The following EIF1AX variants were observed in gnomAD, a reference collection of about 807,000 sequenced individuals.
The protein encoded by EIF1AX is eukaryotic translation initiation factor 1A, X-chromosomal.
In EIF1AX, 1 loss-of-function variant was observed where a neutral mutation model predicts 16.1. That is an observed-to-expected ratio of 0.06 (90% CI 0.02 to 0.30). EIF1AX has a LOEUF of 0.30. EIF1AX is among the 10% of genes least tolerant of loss of function. The probability of loss-of-function intolerance (pLI) is 1.00; values close to 1 mark genes in which losing one functional copy is unlikely to be tolerated. For synonymous variants in EIF1AX, 32 were observed against 37.3 expected (o/e 0.86, Z 0.51); for missense variants, 11 against 109.1 (o/e 0.10, Z 4.00).
At chrX:20,136,728 C>T (rs1314146696) in intron 2 of EIF1AX, among the ~76,000 whole-genome samples, 2 of 111,668 alleles carry the variant, frequency 1.8e-5, no homozygotes, top group Admixed American at 9.5e-5. Context: ...GTGAGTTTAG[C>T]ACCCATCTAC....
Position 20,134,026 on chromosome X carries a change from T to C in EIF1AX, c.205-19A>G. 4.2e-6 allele frequency: 5 copies of C among 1,182,794 alleles called. No individual in the cohort carries two copies. Among genetic ancestry groups the C allele is most frequent in the Non-Finnish European group, 5.7e-6 (5 of 875,881 alleles). On this transcript the variant is annotated intron_variant, in intron 3 of 6. Coordinates refer to ENST00000379607, the MANE Select transcript of EIF1AX (RefSeq NM_001412.4). The stretch of plus-strand genomic sequence containing the variant: ...TCCAAACCTACAAAAGAAAAGTCAC[T>C]GCCCGTCACATTTAAAATAACGAAG...
At chrX:20,130,493 A>G in intron 6 of EIF1AX, 23 bp downstream of exon 6, 7 of 1,162,851 alleles carry the variant, frequency 6.0e-6, no homozygotes, top group Non-Finnish European at 8.0e-6. Flanking sequence ...AAAAATTGGA[A>G]AACACAAGGT....
chrX:20,135,196 C>T (rs2067012847), intron 3 of EIF1AX, among the ~76,000 whole-genome samples: 1 of 108,688 alleles, frequency 9.2e-6, no homozygotes, highest in Admixed American at 9.9e-5. Context: ...CCTATAATCC[C>T]AGCATTTTGG....
At chrX:20,136,342 GA>G (rs1272322127) in intron 2 of EIF1AX, 1 of 350,150 alleles carries the variant, frequency 2.9e-6, no homozygotes. Context: ...AGGTAGACCG[GA>G]AAGCCTTCTG....
rs935521203 is a variant in EIF1AX at position 20,125,349 on chromosome X, T to C, written c.*2957A>G. ...TTTTCACATTTTGCTCTTTTCTGAA[T>C]AGGAAGAAAAAAAGCAAAGATAAAA... On this transcript the variant is annotated 3_prime_UTR_variant, in exon 7 of 7. Transcript: ENST00000379607. 25 of 170,124 alleles carry C rather than the reference T, an allele frequency of 1.5e-4. No homozygotes were observed. Among genetic ancestry groups the C allele is most frequent in the African/African-American group, 6.5e-4 (22 of 33,767 alleles). The allele number at this position is 170,124 out of a possible 1,213,427, so 14.0% of individuals were successfully genotyped here.
intron 3 of EIF1AX, 122 bp from the exon 4 acceptor site, chrX:20,134,129 G>A (rs2067008614): frequency 8.0e-6 from 6 of 746,476 alleles, no homozygotes; most frequent in Non-Finnish European, 1.2e-5. Context: ...GCTCATGCCT[G>A]TAATCCCAGC....
At chrX:20,138,914 G>A (rs887517861) in intron 1 of EIF1AX, among the ~76,000 whole-genome samples, 6 of 112,012 alleles carry the variant, frequency 5.4e-5, no homozygotes, top group African/African-American at 1.9e-4. Flanking sequence ...TTTCACTTTA[G>A]CACCCATCCT....
At chrX:20,136,057 T>C in intron 2 of EIF1AX, 1 of 367,846 alleles carries the variant, frequency 2.7e-6, no homozygotes, top group Non-Finnish European at 4.9e-6. Flanking sequence ...TTTCTTTCTT[T>C]CTTTTTTCTG....
intron 1 of EIF1AX, 135 bp from the exon 2 acceptor site, chrX:20,138,757 C>T: frequency 2.3e-6 from 1 of 436,003 alleles, no homozygotes; most frequent in Non-Finnish European, 3.9e-6. Context: ...TCTATTTTAG[C>T]TACACAATCA....
At chrX:20,138,766 C>CTCCA (rs1296029073) in intron 1 of EIF1AX, 144 bp from the exon 2 acceptor site, 7 of 415,976 alleles carry the variant, frequency 1.7e-5, no homozygotes, top group African/African-American at 1.3e-4. Context: ...GCTACACAAT[C>CTCCA]ATATTAAATT....
chrX:20,133,510 G>C (rs898275248), intron 4 of EIF1AX, among the ~76,000 whole-genome samples: 1 of 105,812 alleles, frequency 9.5e-6, no homozygotes, highest in Non-Finnish European at 1.9e-5. Flanking sequence ...ATTTATTCTG[G>C]GTTTTTTTTT....
Position 20,126,614 on chromosome X carries a change from A to C in EIF1AX, c.*1692T>G. On this transcript the variant is annotated 3_prime_UTR_variant, in exon 7 of 7. Transcript: ENST00000379607. The stretch of plus-strand genomic sequence containing the variant: ...CTATATATACTGTAAATTTAGCAAA[A>C]ACACTTTTATGTACAGAAGCCTAAA... The C allele has an allele frequency of 7.5e-6, 1 of 133,412 alleles. No homozygotes were observed. The highest frequency in any genetic ancestry group is 1.5e-5 in the Non-Finnish European group (1 of 66,170). The allele number at this position is 133,412 out of a possible 1,213,427, so 11.0% of individuals were successfully genotyped here.
chrX:20,135,692 TC>T (rs775154053), intron 3 of EIF1AX, 45 bp downstream of exon 3: 2 of 991,261 alleles, frequency 2.0e-6, no homozygotes, highest in Admixed American at 4.4e-5. Context: ...AGAGGGATTT[TC>T]CCCCTTAACC....
Position 20,138,603 on chromosome X carries a change from T to C in EIF1AX, c.36A>G (p.Arg12=), listed in dbSNP as rs1428174968. 8.3e-7 allele frequency: 1 copy of C among 1,200,161 alleles called. No homozygotes were observed. Among genetic ancestry groups the C allele is most frequent in the Admixed American group, 2.2e-5 (1 of 45,761 alleles). The part of the protein sequence containing the change: ...PKNKGKGGKN[R]RRGKNENESE... ...ATTCATTCTCATTCTTACCCCTGCG[T>C]CTGTTTTTACCTCCTTTACCTGATG... The change falls in exon 2 of 7, where the codon AGA becomes AGG. Residue 12 remains arginine (R), a synonymous_variant. Transcript: ENST00000379607.
In EIF1AX at chrX:20,125,843, T is replaced by C; in HGVS notation, c.*2463A>G. 6.3e-6 allele frequency: 1 copy of C among 158,471 alleles called. No individual in the cohort carries two copies. Among genetic ancestry groups the C allele is most frequent in the East Asian group, 9.5e-5 (1 of 10,545 alleles). The allele number at this position is 158,471 out of a possible 1,213,427, so 13.1% of individuals were successfully genotyped here. A position where few individuals can be genotyped will look rare whatever the true frequency, so the allele number is the denominator to read the frequency against. On this transcript the variant is annotated 3_prime_UTR_variant, in exon 7 of 7. Coordinates refer to ENST00000379607, the MANE Select transcript of EIF1AX (RefSeq NM_001412.4). ...GATGTGGTGAGTAAACCAACAGCCA[T>C]TCCTAAATAAAATACAAGAATTTCC...
At chrX:20,140,493 A>G (rs1006529250) in intron 1 of EIF1AX, 1 of 112,525 alleles carries the variant, frequency 8.9e-6, no homozygotes, top group Non-Finnish European at 1.9e-5. Flanking sequence ...CATCTTTTCC[A>G]AAATAATGAG....
In EIF1AX at chrX:20,126,883, A is replaced by G; in HGVS notation, c.*1423T>C. 1 of 148,086 alleles carries G rather than the reference A, an allele frequency of 6.8e-6. No homozygotes were observed. Among genetic ancestry groups the G allele is most frequent in the East Asian group, 1.1e-4 (1 of 9,418 alleles). 12.2% of individuals were successfully genotyped at this position (148,086 alleles called of 1,213,427 possible). A position where few individuals can be genotyped will look rare whatever the true frequency, so the allele number is the denominator to read the frequency against. ...TGGTGTACACTTAGGAAATTATAGT[A>G]AGAGTAGATTAGAGAAGATTTGCTT... On this transcript the variant is annotated 3_prime_UTR_variant, in exon 7 of 7. Transcript: ENST00000379607.
At chrX:20,138,487 C>T in intron 2 of EIF1AX, 52 bp downstream of exon 2, 1 of 1,010,030 alleles carries the variant, frequency 9.9e-7, no homozygotes, top group Non-Finnish European at 1.4e-6. Flanking sequence ...AAGTCCCCAG[C>T]TAAAAAAGAA....
intron 1 of EIF1AX, among the ~76,000 whole-genome samples, chrX:20,140,955 T>A (rs986154117): frequency 5.3e-4 from 59 of 111,035 alleles, no homozygotes; most frequent in Non-Finnish European, 1.7e-4. Flanking sequence ...TGGAGGACAC[T>A]TAAATTAGGT....
Sources: gnomAD v4.1 joint callset for allele counts (sites outside exome capture counted in the v4.1 genomes callset) on GRCh38, gnomAD v4.1.1 for gene constraint, MANE v1.5 for transcripts, NCBI Gene and HGNC (gene_info 2026-07-23, HGNC 2026-07-21) for gene names.